Variants in MACROD2 observed in about 807,000 individuals in gnomAD.
The protein encoded by MACROD2 is ADP-ribose glycohydrolase MACROD2.
A neutral mutation model predicts 70.4 loss-of-function variants in MACROD2; 36 were observed. That is an observed-to-expected ratio of 0.51 (90% CI 0.39 to 0.68). The LOEUF (loss-of-function observed/expected upper bound fraction) is 0.68. Among genes scored for constraint, MACROD2 ranks in the 30% least tolerant of loss-of-function variants. The pLI is 0.00. For missense variants in MACROD2, 496 were observed against 538.4 expected (o/e 0.92, Z 0.78); for synonymous variants, 172 against 178.8 (o/e 0.96, Z 0.30).
intron 3 of MACROD2, among the ~76,000 whole-genome samples, chr20:14,257,465 A>G (rs8123052): frequency 0.35 from 53,165 of 151,894 alleles, 10,503 homozygotes; most frequent in East Asian, 0.53. Context: ...TTTTTAAAGT[A>G]CAGTAAAAGA....
chr20:16,030,583 A>C (rs2147580075), intron 15 of MACROD2, among the ~76,000 whole-genome samples: 1 of 152,334 alleles, frequency 6.6e-6, no homozygotes, highest in Middle Eastern at 3.4e-3. Flanking sequence ...TGCAATGACC[A>C]CAGATGAACT....
intron 8 of MACROD2, among the ~76,000 whole-genome samples, chr20:15,740,294 A>G (rs1327216374): frequency 2.0e-5 from 3 of 152,184 alleles, no homozygotes; most frequent in African/African-American, 7.2e-5. Flanking sequence ...CTGGAGGAAA[A>G]GAAACAAGTT....
chr20:14,290,828 T>A (rs1386982505), intron 3 of MACROD2, among the ~76,000 whole-genome samples: 1 of 152,208 alleles, frequency 6.6e-6, no homozygotes, highest in Non-Finnish European at 1.5e-5. Flanking sequence ...ATTTTTAACA[T>A]GCTCTTTAGA....
At chr20:15,189,244 A>T (rs1276476522) in intron 5 of MACROD2, among the ~76,000 whole-genome samples, 12 of 141,384 alleles carry the variant, frequency 8.5e-5, no homozygotes, top group East Asian at 2.0e-4. Context: ...ACCAGGACTT[A>T]TTTTTTTTTT....
At chr20:15,805,546 G>A (rs1223522885) in intron 8 of MACROD2, among the ~76,000 whole-genome samples, 7 of 151,212 alleles carry the variant, frequency 4.6e-5, no homozygotes, top group African/African-American at 1.7e-4. Flanking sequence ...GCACGATCTC[G>A]GCTCACCACA....
chr20:14,955,576 T>C (rs1306949339), intron 5 of MACROD2, among the ~76,000 whole-genome samples: 1 of 152,052 alleles, frequency 6.6e-6, no homozygotes, highest in East Asian at 1.9e-4. Flanking sequence ...CATTTCTGAA[T>C]CATGTGAATT....
chr20:14,181,205 A>T (rs192942151), intron 3 of MACROD2, among the ~76,000 whole-genome samples: 1 of 151,470 alleles, frequency 6.6e-6, no homozygotes, highest in East Asian at 1.9e-4. Context: ...AATAGATGAG[A>T]CTACAGGTGC....
At chr20:15,673,421 C>G (rs1332636801) in intron 8 of MACROD2, among the ~76,000 whole-genome samples, 1 of 152,134 alleles carries the variant, frequency 6.6e-6, no homozygotes, top group Non-Finnish European at 1.5e-5. Context: ...TTTCAACTAT[C>G]CAGAGTCTCA....
intron 5 of MACROD2, among the ~76,000 whole-genome samples, chr20:15,189,835 C>T (rs1196049409): frequency 6.6e-6 from 1 of 151,946 alleles, no homozygotes; most frequent in Admixed American, 6.6e-5. Flanking sequence ...GTTATCTCAC[C>T]GAGATGATTT....
At chr20:15,775,137 A>G (rs993131555) in intron 8 of MACROD2, among the ~76,000 whole-genome samples, 2 of 152,120 alleles carry the variant, frequency 1.3e-5, no homozygotes, top group East Asian at 3.8e-4. Context: ...CTGAATATAC[A>G]TATTTAATAA....
chr20:15,428,519 T>C (rs1421235020), intron 6 of MACROD2, among the ~76,000 whole-genome samples: 1 of 152,186 alleles, frequency 6.6e-6, no homozygotes, highest in Non-Finnish European at 1.5e-5. Flanking sequence ...GTCATTCTTA[T>C]CATCAAGGAT....
At chr20:14,600,602 T>C (rs1982434135) in intron 4 of MACROD2, among the ~76,000 whole-genome samples, 1 of 152,168 alleles carries the variant, frequency 6.6e-6, no homozygotes, top group South Asian at 2.1e-4. Flanking sequence ...GACATTGTAT[T>C]ATTTTCATTT....
In MACROD2 at chr20:15,448,272, A is replaced by T. The variant is rs181559306; in HGVS notation, c.571+16837A>T. 1.3e-4 allele frequency among the ~76,000 whole-genome samples: 20 copies of T among 152,104 alleles called. No individual in the cohort carries two copies. The East Asian group carries it at 3.1e-3, about 24-fold the overall frequency. Reference sequence around the variant, plus strand: ...TCTCTTTCAGTCTGTCCTAGCAGGCATTTTCTCTGCTGTTTGCATCCTCAG... The same window carrying T: ...TCTCTTTCAGTCTGTCCTAGCAGGCTTTTTCTCTGCTGTTTGCATCCTCAG... On this transcript the variant is annotated intron_variant, in intron 7 of 17. Transcript: ENST00000684519.
At chr20:14,231,420 G>A (rs2081811511) in intron 3 of MACROD2, among the ~76,000 whole-genome samples, 1 of 152,012 alleles carries the variant, frequency 6.6e-6, no homozygotes, top group Non-Finnish European at 1.5e-5. Context: ...ATAGTTTGCT[G>A]AGAATGATGG....
At chr20:15,921,990 G>A (rs530355118) in intron 10 of MACROD2, among the ~76,000 whole-genome samples, 1 of 152,244 alleles carries the variant, frequency 6.6e-6, no homozygotes, top group Non-Finnish European at 1.5e-5. Context: ...GCCCCCTCCT[G>A]TCCGTCATTG....
intron 5 of MACROD2, among the ~76,000 whole-genome samples, chr20:15,109,476 G>A (rs2075938005): frequency 6.6e-6 from 1 of 152,126 alleles, no homozygotes; most frequent in African/African-American, 2.4e-5. Flanking sequence ...GGAAGAGGTA[G>A]GAAGCTAAAG....
At chr20:14,068,792 A>G (rs918787232) in intron 2 of MACROD2, among the ~76,000 whole-genome samples, 4 of 152,174 alleles carry the variant, frequency 2.6e-5, no homozygotes, top group Admixed American at 6.5e-5. Flanking sequence ...GATTGGAACT[A>G]TCCAGGTTTT....
At position 14,506,578 on chromosome 20, in the gene MACROD2, G is replaced by A. The variant is rs149228225; in HGVS notation, c.301+13070G>A. Among the ~76,000 whole-genome samples the A allele has an allele frequency of 2.6e-5, 4 of 152,162 alleles. No individual in the cohort carries two copies. The East Asian group carries it at 5.8e-4, about 22-fold the overall frequency. On this transcript the variant is annotated intron_variant, in intron 4 of 17. Coordinates refer to ENST00000684519, the MANE Select transcript of MACROD2 (RefSeq NM_001351661.2). ...AGAGACTGCTGATCATGAAGGAGAC[G>A]TATTTTACAGATTTAAGCCTGGGTA...
intron 5 of MACROD2, among the ~76,000 whole-genome samples, chr20:15,134,382 G>A (rs1350262035): frequency 3.3e-5 from 5 of 151,750 alleles, no homozygotes. Flanking sequence ...AGACCACAGT[G>A]CAATCAAACT....
Sources: allele counts gnomAD v4.1 joint callset (sites outside exome capture counted in the v4.1 genomes callset), GRCh38; gene constraint gnomAD v4.1.1; transcripts MANE v1.5; gene names NCBI Gene and HGNC (gene_info 2026-07-23, HGNC 2026-07-21).